Variants in ANOS1 observed in about 807,000 individuals in gnomAD.
ANOS1 encodes anosmin 1.
ANOS1 carries 6 observed loss-of-function variants against 59.0 expected under a neutral mutation model. The observed-to-expected ratio is 0.10, with a 90% CI of 0.06 to 0.20. ANOS1 has a LOEUF of 0.20. ANOS1 is among the 10% of genes least tolerant of loss of function. The probability of loss-of-function intolerance (pLI) is 1.00; values close to 1 mark genes in which losing one functional copy is unlikely to be tolerated. For synonymous variants in ANOS1, 217 were observed against 223.4 expected, an observed-to-expected ratio of 0.97 and a Z score of 0.25; for missense variants, 433 against 542.3, an observed-to-expected ratio of 0.80 and a Z score of 2.00.
Position 8,570,572 on chromosome X carries a change from A to G in ANOS1, c.989T>C (p.Val330Ala), listed in dbSNP as rs758486712. 5.8e-6 allele frequency: 7 copies of G among 1,209,351 alleles called. No homozygotes were observed. Among genetic ancestry groups the G allele is most frequent in the Non-Finnish European group, 7.8e-6 (7 of 894,770 alleles). The change falls in exon 7 of 14, where the codon GTC becomes GCC. Residue 330 changes from valine to alanine, a missense_variant. Coordinates refer to ENST00000262648, the MANE Select transcript of ANOS1 (RefSeq NM_000216.4). ...ACTGCTGACCATCCAGCTCCAAAAG[A>G]CCTTGTAATGATGCACAGGGATGTC... ...EPDIPVHHYK[V>A]FWSWMVSSKS...
Position 8,532,222 on chromosome X carries a change from GATAAC to G in ANOS1, c.*768_*772del, listed in dbSNP as rs1230160459. On this transcript the variant is annotated 3_prime_UTR_variant, in exon 14 of 14. Coordinates refer to ENST00000262648, the MANE Select transcript of ANOS1 (RefSeq NM_000216.4). ...GGAAAATAAGGGAAAATATAAATAAGATAACATATCAGGAAAATCTCTCACATAAT... is the reference window on the plus strand; with the variant it reads ...GGAAAATAAGGGAAAATATAAATAAGATATCAGGAAAATCTCTCACATAAT... 8.9e-6 allele frequency: 1 copy of G among 111,872 alleles called. No homozygotes were observed. The highest frequency in any genetic ancestry group is 3.2e-5 in the African/African-American group (1 of 30,818). 9.2% of individuals were successfully genotyped at this position (111,872 alleles called of 1,213,427 possible). A position where few individuals can be genotyped will look rare whatever the true frequency, so the allele number is the denominator to read the frequency against.
chrX:8,686,614 C>T (rs762194340), intron 2 of ANOS1, among the ~76,000 whole-genome samples: 15 of 111,611 alleles, frequency 1.3e-4, no homozygotes, highest in African/African-American at 4.9e-4. Context: ...AAGTATCTAC[C>T]CATTTCTCAA....
chrX:8,548,152 C>G (rs1929800421), intron 9 of ANOS1, among the ~76,000 whole-genome samples: 1 of 112,466 alleles, frequency 8.9e-6, no homozygotes, highest in South Asian at 3.6e-4. Context: ...CTTAAAAGAA[C>G]AACCAGACCT....
intron 8 of ANOS1, among the ~76,000 whole-genome samples, chrX:8,559,127 A>G (rs1250682752): frequency 8.9e-6 from 1 of 111,737 alleles, no homozygotes; most frequent in African/African-American, 3.2e-5. Context: ...ACCGGCAGTG[A>G]GCTTGACCAA....
intron 3 of ANOS1, among the ~76,000 whole-genome samples, chrX:8,622,178 A>G (rs920113407): frequency 3.6e-5 from 4 of 111,211 alleles, no homozygotes; most frequent in African/African-American, 1.3e-4. Context: ...AAAATCAAGG[A>G]GTTTTAGACC....
At position 8,573,355 on chromosome X, in the gene ANOS1, G is replaced by A. The variant is rs184141214; in HGVS notation, c.857-2651C>T. 9.0e-5 allele frequency among the ~76,000 whole-genome samples: 10 copies of A among 110,814 alleles called. No individual in the cohort carries two copies. In the South Asian group the frequency reaches 3.5e-3, roughly 39 times the overall value. ...TGGGATTACAGATGTGAGCCACCAC[G>A]CCTGGTCTCTACTGGATTTTCATTC... On this transcript the variant is annotated intron_variant, in intron 6 of 13. Transcript: ENST00000262648.
intron 5 of ANOS1, among the ~76,000 whole-genome samples, chrX:8,586,058 C>T (rs1250351595): frequency 1.8e-5 from 2 of 112,344 alleles, no homozygotes; most frequent in Non-Finnish European, 3.8e-5. Context: ...TAACAGTCTT[C>T]ATACTATATA....
chrX:8,567,979 C>T (rs776951177), intron 8 of ANOS1, among the ~76,000 whole-genome samples: 6 of 112,363 alleles, frequency 5.3e-5, no homozygotes, highest in African/African-American at 1.9e-4. Context: ...AAATGAGACA[C>T]AATAAGTTTT....
At chrX:8,541,078 ATAT>A (rs1465129689) in intron 9 of ANOS1, among the ~76,000 whole-genome samples, 2 of 96,754 alleles carry the variant, frequency 2.1e-5, no homozygotes, top group African/African-American at 7.6e-5. Context: ...GATAAGATAG[ATAT>A]TATGTTAGAA....
intron 3 of ANOS1, among the ~76,000 whole-genome samples, chrX:8,619,388 A>G (rs965289517): frequency 1.4e-3 from 161 of 111,443 alleles, no homozygotes; most frequent in Non-Finnish European, 1.9e-3. Flanking sequence ...GGCGGATCAC[A>G]AGGTCAGGAG....
At chrX:8,577,901 C>T (rs1930356394) in intron 6 of ANOS1, among the ~76,000 whole-genome samples, 2 of 111,469 alleles carry the variant, frequency 1.8e-5, no homozygotes, top group Admixed American at 1.9e-4. Flanking sequence ...GCAGAAATGC[C>T]ATCACTTTTT....
intron 2 of ANOS1, among the ~76,000 whole-genome samples, chrX:8,672,536 G>A (rs1461898492): frequency 1.8e-5 from 2 of 112,320 alleles, no homozygotes; most frequent in Non-Finnish European, 3.8e-5. Flanking sequence ...GGGTGCACTG[G>A]TTCCCAGCAT....
At chrX:8,554,171 G>T in intron 8 of ANOS1, 73 bp from the exon 9 acceptor site, 1 of 829,205 alleles carries the variant, frequency 1.2e-6, no homozygotes, top group Non-Finnish European at 1.8e-6. Flanking sequence ...TGGCCAAATA[G>T]GAACAGCTCC....
At chrX:8,582,294 A>G (rs1930439408) in intron 6 of ANOS1, among the ~76,000 whole-genome samples, 1 of 112,598 alleles carries the variant, frequency 8.9e-6, no homozygotes, top group Admixed American at 9.4e-5. Flanking sequence ...TTGCTGGAAT[A>G]GAGATATTTG....
At chrX:8,698,746 G>A (rs956772186) in intron 2 of ANOS1, among the ~76,000 whole-genome samples, 1 of 111,678 alleles carries the variant, frequency 9.0e-6, no homozygotes, top group African/African-American at 3.2e-5. Flanking sequence ...CTATTTTAAA[G>A]TAACACTCAT....
At chrX:8,590,886 T>C (rs757017588) in intron 4 of ANOS1, among the ~76,000 whole-genome samples, 3 of 112,131 alleles carry the variant, frequency 2.7e-5, no homozygotes, top group South Asian at 7.4e-4. Flanking sequence ...CTTTATCATA[T>C]ATTGTTTCAA....
intron 10 of ANOS1, among the ~76,000 whole-genome samples, chrX:8,537,749 CGTGTGTGTGTGTGT>C (rs202035920): frequency 0.16 from 15,177 of 94,512 alleles, 884 homozygotes; most frequent in Middle Eastern, 0.22. Context: ...ATGGTTTTTA[CGTGTGTGTGTGTGT>C]GTGTGTGTGT....
chrX:8,646,296 G>GC (rs1355843763), intron 2 of ANOS1, among the ~76,000 whole-genome samples: 3 of 111,061 alleles, frequency 2.7e-5, no homozygotes, highest in African/African-American at 9.8e-5. Flanking sequence ...TCCCATCTCA[G>GC]CTTCCTGAGT....
At chrX:8,657,633 A>AT in intron 2 of ANOS1, among the ~76,000 whole-genome samples, 1 of 108,082 alleles carries the variant, frequency 9.3e-6, no homozygotes, top group South Asian at 4.2e-4. Flanking sequence ...CACGCCAAAC[A>AT]GATTTTTGTA....
Sources: gnomAD v4.1 joint callset for allele counts (sites outside exome capture counted in the v4.1 genomes callset) on GRCh38, gnomAD v4.1.1 for gene constraint, MANE v1.5 for transcripts, NCBI Gene and HGNC (gene_info 2026-07-23, HGNC 2026-07-21) for gene names.